Variants in NECAB3 observed in about 807,000 individuals in gnomAD.
NECAB3 encodes N-terminal EF-hand calcium-binding protein 3.
NECAB3 carries 38 observed loss-of-function variants against 57.2 expected under a neutral mutation model. The ratio of observed to expected loss-of-function variants is 0.66; its 90% CI spans 0.51 to 0.87. NECAB3 has a LOEUF of 0.87. Ranked by LOEUF, NECAB3 falls within the 40% of genes least tolerant of loss-of-function variation. The pLI is 0.00. For synonymous variants in NECAB3, 223 were observed against 222.6 expected (o/e 1.00, Z -0.02); for missense variants, 474 against 527.5 (o/e 0.90, Z 0.99).
At chr20:33,669,249 G>A (rs2017772301) in intron 5 of NECAB3, 126 bp downstream of exon 5, 1 of 892,598 alleles carries the variant, frequency 1.1e-6, no homozygotes, top group South Asian at 1.6e-5. Context: ...GCTACAAAGT[G>A]GGAGCCAGGA....
At chr20:33,669,305 G>GAGGA (rs765969491) in intron 5 of NECAB3, 70 bp downstream of exon 5, 2 of 1,512,492 alleles carry the variant, frequency 1.3e-6, no homozygotes, top group Non-Finnish European at 1.8e-6. Context: ...CAAGACTGTG[G>GAGGA]AGGATCCCAC....
rs145567500 is a variant in NECAB3, at chr20:33,671,778, C to T, written c.154+620G>A. Among the ~76,000 whole-genome samples the T allele has an allele frequency of 8.0e-3, 1,221 of 152,252 alleles. 11 individuals carry two copies. Among genetic ancestry groups the T allele is most frequent in the Non-Finnish European group, 0.011 (727 of 67,998 alleles). On this transcript the variant is annotated intron_variant, in intron 2 of 11. Coordinates refer to ENST00000246190, the MANE Select transcript of NECAB3 (RefSeq NM_031232.4). ...GCCCAGGACCCAAGGCAGGAGGAGC[C>T]GACTCCTTTGGCACTGGACCCAGCT...
Position 33,667,545 on chromosome 20 carries a change from C to T in NECAB3, c.387+1830G>A, listed in dbSNP as rs751475874. Reference sequence around the variant, plus strand: ...CGCTCTGCTCCACCGGCGCGTTCAGCGGGCTGGCCGTGGAGGCGGGCGCGG... The same window carrying T: ...CGCTCTGCTCCACCGGCGCGTTCAGTGGGCTGGCCGTGGAGGCGGGCGCGG... On this transcript the variant is annotated intron_variant, in intron 5 of 11. Coordinates refer to ENST00000246190, the MANE Select transcript of NECAB3 (RefSeq NM_031232.4). 22 of 1,545,966 alleles carry T rather than the reference C, an allele frequency of 1.4e-5. 1 individual carries two copies. In the South Asian group the frequency reaches 1.6e-4, roughly 11 times the overall value.
chr20:33,663,414 C>A, intron 5 of NECAB3: 2 of 1,103,478 alleles, frequency 1.8e-6, no homozygotes, highest in Non-Finnish European at 2.5e-6. Context: ...GATGACAGGA[C>A]CCGGGTGGAC....
chr20:33,664,819 TG>T, intron 5 of NECAB3: 1 of 152,374 alleles, frequency 6.6e-6, no homozygotes, highest in South Asian at 2.1e-4. Context: ...TGCCCTCTTT[TG>T]GGGGCAGATG....
intron 3 of NECAB3, 197 bp downstream of exon 3, chr20:33,670,487 C>A: frequency 2.2e-6 from 1 of 456,834 alleles, no homozygotes; most frequent in Non-Finnish European, 3.9e-6. Flanking sequence ...TTTTGGGGTC[C>A]CAGCTGGAAG....
chr20:33,662,382 C>G (rs1346570067), intron 5 of NECAB3: 1 of 1,551,352 alleles, frequency 6.4e-7, no homozygotes, highest in Non-Finnish European at 8.7e-7. Context: ...GACCAAAGCA[C>G]CCAAGCAGGC....
At chr20:33,663,483 G>C in intron 5 of NECAB3, 1 of 1,560,546 alleles carries the variant, frequency 6.4e-7, no homozygotes, top group Non-Finnish European at 8.6e-7. Context: ...CGGGTCGTGG[G>C]CTCGGCCCTA....
rs1251455236 is a variant in NECAB3 at position 33,663,474 on chromosome 20, G to A, written c.388-3079C>T. ...CCCAGGAGAAGCGCGGAGCGGCCCC[G>A]GGTCGTGGGCTCGGCCCTAGCGCGC... On this transcript the variant is annotated intron_variant, in intron 5 of 11. Transcript: ENST00000246190. The A allele has an allele frequency of 7.8e-6, 12 of 1,538,044 alleles. No individual in the cohort carries two copies. The African/African-American group carries it at 9.9e-5, about 13-fold the overall frequency.
At position 33,657,805 on chromosome 20, in the gene NECAB3, GC is replaced by G; in HGVS notation, c.*23del. 6.6e-7 allele frequency: 1 copy of G among 1,517,014 alleles called. No individual in the cohort carries two copies. 94.0% of individuals were successfully genotyped at this position (1,517,014 alleles called of 1,614,324 possible). On this transcript the variant is annotated 3_prime_UTR_variant, in exon 12 of 12. Coordinates refer to ENST00000246190, the MANE Select transcript of NECAB3 (RefSeq NM_031232.4). ...AGAGGGAGGCAGGCAGGGTCCCGGG[GC>G]CCTCGGCGTGTGCAGGTCTGGCTCA...
chr20:33,663,667 G>C (rs918386274), intron 5 of NECAB3: 2 of 1,575,220 alleles, frequency 1.3e-6, no homozygotes, highest in Non-Finnish European at 1.7e-6. Context: ...CGAAGGTAGC[G>C]AGCGCGAGCC....
chr20:33,663,128 G>A (rs990448225), intron 5 of NECAB3, among the ~76,000 whole-genome samples: 10 of 152,298 alleles, frequency 6.6e-5, no homozygotes, highest in African/African-American at 2.4e-4. Context: ...GAATTCCCTA[G>A]TGTCCTCTCT....
intron 5 of NECAB3, chr20:33,668,059 C>T (rs763336707): frequency 1.3e-6 from 2 of 1,566,686 alleles, no homozygotes; most frequent in South Asian, 1.2e-5. Context: ...GGCGCAGTGC[C>T]GGCGGCACGG....
chr20:33,672,445 G>A, intron 1 of NECAB3, 23 bp from the exon 2 acceptor site: 9 of 1,613,998 alleles, frequency 5.6e-6, no homozygotes, highest in Non-Finnish European at 6.8e-6. Flanking sequence ...GGGACATAGA[G>A]AGAACTGTGA....
At chr20:33,663,682 A>AT (rs1297555864) in intron 5 of NECAB3, 2 of 1,587,290 alleles carry the variant, frequency 1.3e-6, no homozygotes, top group Admixed American at 3.5e-5. Context: ...CGAGCCGAGG[A>AT]TGCCGGTACT....
chr20:33,664,073 G>A, intron 5 of NECAB3: 2 of 510,534 alleles, frequency 3.9e-6, no homozygotes, highest in Non-Finnish European at 6.7e-6. Context: ...TTGTGCCAAG[G>A]GTCAGAACAG....
Position 33,674,392 on chromosome 20 carries a change from G to C in NECAB3, c.-40C>G. Reference sequence around the variant, plus strand: ...CTCGGGCTCGGCTGCGGTTGCTGCCGACCCTGGACGCCGCGGCGGACTCGG... The same window carrying C: ...CTCGGGCTCGGCTGCGGTTGCTGCCCACCCTGGACGCCGCGGCGGACTCGG... On this transcript the variant is annotated 5_prime_UTR_variant, in exon 1 of 12. Coordinates refer to ENST00000246190, the MANE Select transcript of NECAB3 (RefSeq NM_031232.4). 2 of 1,144,270 alleles carry C rather than the reference G, an allele frequency of 1.7e-6. No individual in the cohort carries two copies. Among genetic ancestry groups the C allele is most frequent in the African/African-American group, 1.6e-5 (1 of 61,260 alleles). 70.9% of individuals were successfully genotyped at this position (1,144,270 alleles called of 1,614,324 possible).
Position 33,670,664 on chromosome 20 carries a change from C to T in NECAB3, c.263+20G>A, listed in dbSNP as rs374266326. 4.4e-4 allele frequency: 685 copies of T among 1,567,376 alleles called. 2 individuals carry two copies. Among genetic ancestry groups the T allele is most frequent in the South Asian group, 6.8e-4 (61 of 89,108 alleles). ...GACAACCTGGCCTCGCATCTACCCA[C>T]GGCCCCCTCTCATACTCACTCGGTG... On this transcript the variant is annotated intron_variant, in intron 3 of 11. Coordinates refer to ENST00000246190, the MANE Select transcript of NECAB3 (RefSeq NM_031232.4).
At chr20:33,673,998 C>A (rs556621230) in intron 1 of NECAB3, among the ~76,000 whole-genome samples, 86 of 151,688 alleles carry the variant, frequency 5.7e-4, no homozygotes, top group Non-Finnish European at 1.1e-3. Flanking sequence ...ATGGGGTGGG[C>A]TGAGGGGTGG....
Sources: gnomAD v4.1 joint callset for allele counts (sites outside exome capture counted in the v4.1 genomes callset) on GRCh38, gnomAD v4.1.1 for gene constraint, MANE v1.5 for transcripts, NCBI Gene and HGNC (gene_info 2026-07-23, HGNC 2026-07-21) for gene names.